The following LRP1B variants were observed in gnomAD, a reference collection of about 807,000 sequenced individuals.
LRP1B encodes low-density lipoprotein receptor-related protein 1B.
A neutral mutation model predicts 556.6 loss-of-function variants in LRP1B; 217 were observed. The observed-to-expected ratio is 0.39, with a 90% CI of 0.35 to 0.44. The LOEUF (loss-of-function observed/expected upper bound fraction) is 0.44, where lower values mean the gene tolerates loss of function less well. LRP1B is among the 20% of genes least tolerant of loss of function. The pLI is 1.00. For missense variants in LRP1B, 5,053 were observed against 5,620.8 expected (o/e 0.90, Z 3.23); for synonymous variants, 2,047 against 1,865.8 (o/e 1.10, Z -2.50).
intron 14 of LRP1B, among the ~76,000 whole-genome samples, chr2:141,005,692 G>A (rs934476089): frequency 3.3e-5 from 5 of 151,968 alleles, no homozygotes; most frequent in African/African-American, 1.2e-4. Context: ...TCTGAGTGAA[G>A]TTAGGTTCTA....
intron 3 of LRP1B, among the ~76,000 whole-genome samples, chr2:141,284,782 T>G (rs138069267): frequency 3.6e-4 from 55 of 152,348 alleles, no homozygotes; most frequent in Middle Eastern, 3.4e-3. Flanking sequence ...ATTGATTAAG[T>G]GTTTATTTCT....
At position 141,100,468 on chromosome 2, in the gene LRP1B, A is replaced by C. The variant is rs1392783375; in HGVS notation, c.1014-38195T>G. 2.0e-5 allele frequency among the ~76,000 whole-genome samples: 3 copies of C among 152,178 alleles called. No individual in the cohort carries two copies. In the East Asian group the frequency reaches 5.8e-4, roughly 29 times the overall value. Reference sequence around the variant, plus strand: ...CTGTCTCCATCATAAAGAGGGCTAGAAAGTGTTAAGAAGGGGTCAGTAGAA... The same window carrying C: ...CTGTCTCCATCATAAAGAGGGCTAGCAAGTGTTAAGAAGGGGTCAGTAGAA... On this transcript the variant is annotated intron_variant, in intron 7 of 90. Coordinates refer to ENST00000389484, the MANE Select transcript of LRP1B (RefSeq NM_018557.3).
intron 3 of LRP1B, among the ~76,000 whole-genome samples, chr2:141,336,114 C>CAAAAAAAAAAAAAAAAA (rs60102985): frequency 2.1e-5 from 2 of 93,064 alleles, no homozygotes; most frequent in Non-Finnish European, 4.1e-5. Context: ...CAGACCTGTC[C>CAAAAAAAAAAAAAAAAA]AAAAAAAAAA....
At chr2:140,676,383 C>A (rs1168093567) in intron 41 of LRP1B, among the ~76,000 whole-genome samples, 1 of 152,122 alleles carries the variant, frequency 6.6e-6, no homozygotes, top group Admixed American at 6.5e-5. Flanking sequence ...CTTGGATAAT[C>A]CCGCTGTTAA....
At chr2:141,501,555 G>C (rs1683711373) in intron 2 of LRP1B, among the ~76,000 whole-genome samples, 1 of 152,084 alleles carries the variant, frequency 6.6e-6, no homozygotes, top group Non-Finnish European at 1.5e-5. Context: ...AATAATTAGA[G>C]GAGGGAAGTT....
chr2:141,718,877 A>C (rs1574280024), intron 2 of LRP1B, among the ~76,000 whole-genome samples: 1 of 152,192 alleles, frequency 6.6e-6, no homozygotes. Flanking sequence ...AAAAGCAAAA[A>C]CCAAAAACCA....
intron 29 of LRP1B, 52 bp downstream of exon 29, chr2:140,850,050 A>T (rs569872596): frequency 1.3e-5 from 15 of 1,156,568 alleles, no homozygotes; most frequent in African/African-American, 1.2e-4. Flanking sequence ...TGTGATTATT[A>T]CAAACTGAAT....
At chr2:141,941,892 A>G (rs765361194) in intron 1 of LRP1B, among the ~76,000 whole-genome samples, 16 of 152,224 alleles carry the variant, frequency 1.1e-4, no homozygotes, top group Non-Finnish European at 1.8e-4. Context: ...AGTACCGTAT[A>G]AGATTCAGAG....
chr2:140,506,297 T>A (rs1408812533), intron 53 of LRP1B, among the ~76,000 whole-genome samples: 1 of 152,120 alleles, frequency 6.6e-6, no homozygotes, highest in Non-Finnish European at 1.5e-5. Context: ...CAGGCTGGAG[T>A]GCAGTGGCAT....
chr2:141,713,649 T>C (rs1692458595), intron 2 of LRP1B, among the ~76,000 whole-genome samples: 1 of 152,132 alleles, frequency 6.6e-6, no homozygotes, highest in Admixed American at 6.5e-5. Flanking sequence ...ATTGTTAGAA[T>C]AAAGCCACCC....
intron 2 of LRP1B, among the ~76,000 whole-genome samples, chr2:141,607,456 A>C (rs1157990688): frequency 1.3e-5 from 2 of 152,156 alleles, no homozygotes; most frequent in Non-Finnish European, 2.9e-5. Context: ...CACTATCTCT[A>C]GAGATGCATT....
chr2:140,833,199 T>TGAATACAAATTATTGTCAA (rs1437238631), intron 31 of LRP1B, among the ~76,000 whole-genome samples: 3 of 152,114 alleles, frequency 2.0e-5, no homozygotes, highest in Admixed American at 2.0e-4. Flanking sequence ...AATGAATGAA[T>TGAATACAAATTATTGTCAA]GAATACAAAT....
At chr2:141,098,982 T>G (rs1700393791) in intron 7 of LRP1B, among the ~76,000 whole-genome samples, 1 of 152,344 alleles carries the variant, frequency 6.6e-6, no homozygotes, top group Admixed American at 6.5e-5. Context: ...GCTTTTTAGC[T>G]TCCTTAGTTC....
chr2:141,765,491 C>A (rs1694704520), intron 2 of LRP1B, among the ~76,000 whole-genome samples: 1 of 152,104 alleles, frequency 6.6e-6, no homozygotes, highest in Admixed American at 6.5e-5. Context: ...GCTTCCAAAG[C>A]ACCTGGAACC....
chr2:140,793,633 A>G (rs180889389), intron 32 of LRP1B, among the ~76,000 whole-genome samples: 22 of 152,138 alleles, frequency 1.4e-4, no homozygotes, highest in Admixed American at 2.6e-4. Flanking sequence ...CTCATTTGCC[A>G]TGTCCCTATC....
chr2:141,248,402 T>C (rs1427384169), intron 4 of LRP1B, among the ~76,000 whole-genome samples: 3 of 152,132 alleles, frequency 2.0e-5, no homozygotes, highest in African/African-American at 4.8e-5. Flanking sequence ...CGAGTTATGA[T>C]AGAAACAGGG....
At chr2:141,491,124 A>T (rs1161635551) in intron 2 of LRP1B, among the ~76,000 whole-genome samples, 1 of 152,126 alleles carries the variant, frequency 6.6e-6, no homozygotes, top group East Asian at 1.9e-4. Context: ...AGGGAAGGAC[A>T]ATTGTTGATT....
chr2:141,243,143 T>TA (rs1367095030), intron 5 of LRP1B, among the ~76,000 whole-genome samples: 1 of 92,802 alleles, frequency 1.1e-5, no homozygotes, highest in Admixed American at 1.2e-4. Flanking sequence ...ATTATTATTT[T>TA]TATTTTTTTT....
At chr2:142,097,079 C>A (rs1311182902) in intron 1 of LRP1B, among the ~76,000 whole-genome samples, 1 of 150,264 alleles carries the variant, frequency 6.7e-6, no homozygotes, top group African/African-American at 2.4e-5. Flanking sequence ...CCCGGTTTAC[C>A]AACAGTCCTG....
Sources: allele counts gnomAD v4.1 joint callset (sites outside exome capture counted in the v4.1 genomes callset), GRCh38; gene constraint gnomAD v4.1.1; transcripts MANE v1.5; gene names NCBI Gene and HGNC (gene_info 2026-07-23, HGNC 2026-07-21).